Variants in ZNF267 observed in about 807,000 individuals in gnomAD.
The protein encoded by ZNF267 is zinc finger (C2H2).
A neutral mutation model predicts 71.6 loss-of-function variants in ZNF267; 61 were observed. The ratio of observed to expected loss-of-function variants is 0.85; its 90% CI spans 0.69 to 1.05. The LOEUF (loss-of-function observed/expected upper bound fraction) is 1.05. Among genes scored for constraint, ZNF267 ranks in the 50% least tolerant of loss-of-function variants. The pLI, the probability that ZNF267 is intolerant of heterozygous loss-of-function variation, is 0.00. For missense variants in ZNF267, 852 were observed against 870.0 expected (o/e 0.98, Z 0.26); for synonymous variants, 288 against 293.2 (o/e 0.98, Z 0.18).
intron 3 of ZNF267, among the ~76,000 whole-genome samples, chr16:31,895,562 G>C (rs2083992372): frequency 6.6e-6 from 1 of 152,066 alleles, no homozygotes; most frequent in Non-Finnish European, 1.5e-5. Context: ...TTCTATAGTG[G>C]CTATACTAAT....
chr16:31,883,142 A>G (rs1187800776), intron 1 of ZNF267, among the ~76,000 whole-genome samples: 1 of 152,214 alleles, frequency 6.6e-6, no homozygotes, highest in Non-Finnish European at 1.5e-5. Context: ...ACAAGAATTA[A>G]CATATAACAA....
intron 3 of ZNF267, among the ~76,000 whole-genome samples, chr16:31,901,021 A>G (rs1187110277): frequency 7.2e-5 from 11 of 151,788 alleles, no homozygotes; most frequent in Admixed American, 2.6e-4. Flanking sequence ...TCTTTGTTCA[A>G]TTCCCACCTA....
At position 31,915,145 on chromosome 16, in the gene ZNF267, A is replaced by G. The variant is rs2084164414; in HGVS notation, c.896A>G (p.Lys299Arg). Residue 299 changes from lysine to arginine, a missense_variant, in exon 4 of 4, where the codon AAA (lysine) becomes AGA (arginine). By Grantham distance (26) the Lys-to-Arg change is conservative. Coordinates refer to ENST00000300870, the MANE Select transcript of ZNF267 (RefSeq NM_003414.6). ...AGAGAAAACTCATATAGCTATAACAAATATGATAAAGATCTTAGTCAGTCA... is the reference window on the plus strand; with the variant it reads ...AGAGAAAACTCATATAGCTATAACAGATATGATAAAGATCTTAGTCAGTCA... ...HIRENSYSYN[K>R]YDKDLSQSSN... 1.2e-6 allele frequency: 2 copies of G among 1,613,124 alleles called. No individual in the cohort carries two copies. Among genetic ancestry groups the G allele is most frequent in the Middle Eastern group, 1.7e-4 (1 of 6,054 alleles).
intron 3 of ZNF267, among the ~76,000 whole-genome samples, chr16:31,900,223 G>A (rs942844398): frequency 1.2e-4 from 18 of 151,396 alleles, no homozygotes; most frequent in African/African-American, 4.1e-4. Flanking sequence ...CAAATGTATA[G>A]CAGAATTAAA....
At chr16:31,896,298 G>A (rs1232622224) in intron 3 of ZNF267, among the ~76,000 whole-genome samples, 4 of 152,232 alleles carry the variant, frequency 2.6e-5, no homozygotes, top group Non-Finnish European at 4.4e-5. Flanking sequence ...AGGCATGAGC[G>A]AGCCACTGCA....
intron 3 of ZNF267, among the ~76,000 whole-genome samples, chr16:31,893,550 A>G (rs2083975869): frequency 6.6e-6 from 1 of 152,180 alleles, no homozygotes; most frequent in Admixed American, 6.5e-5. Flanking sequence ...TGCTTCCCTT[A>G]TAAAACTGAA....
At chr16:31,901,333 G>A (rs1329907679) in intron 3 of ZNF267, among the ~76,000 whole-genome samples, 4 of 152,094 alleles carry the variant, frequency 2.6e-5, no homozygotes, top group African/African-American at 9.7e-5. Context: ...GGATGGCTGG[G>A]TCAAATGGTA....
chr16:31,875,253 G>GT, intron 1 of ZNF267: 1 of 1,289,190 alleles, frequency 7.8e-7, no homozygotes, highest in South Asian at 1.2e-5. Flanking sequence ...CTCCTGGAGT[G>GT]TTTAGTGACT....
At chr16:31,914,219 C>T (rs1316784428) in intron 3 of ZNF267, 2 of 395,952 alleles carry the variant, frequency 5.1e-6, no homozygotes, top group African/African-American at 2.1e-5. Context: ...ACAGATTTCT[C>T]CCCGCCATGC....
At chr16:31,875,127 A>G in intron 1 of ZNF267, 1 of 1,289,030 alleles carries the variant, frequency 7.8e-7, no homozygotes, top group South Asian at 1.2e-5. Flanking sequence ...TTTTGACTTG[A>G]GGTTTTGCTT....
rs2084096086 is a variant in ZNF267 at position 31,906,948 on chromosome 16, A to G, written c.227-7528A>G. 5.9e-5 allele frequency among the ~76,000 whole-genome samples: 9 copies of G among 151,940 alleles called. No individual in the cohort carries two copies. In the South Asian group the frequency reaches 1.9e-3, roughly 32 times the overall value. On this transcript the variant is annotated intron_variant, in intron 3 of 3. Transcript: ENST00000300870. ...CCCCAAAGTTCTTTTTTTCTAATTC[A>G]TTTTTAAAGTATAGTTTGGGCAGAT...
intron 3 of ZNF267, among the ~76,000 whole-genome samples, chr16:31,901,769 C>T (rs2084043646): frequency 6.6e-6 from 1 of 152,112 alleles, no homozygotes; most frequent in Non-Finnish European, 1.5e-5. Flanking sequence ...ATGGTGGTTT[C>T]CTTTGCTGTG....
At chr16:31,904,170 G>T (rs2084067008) in intron 3 of ZNF267, among the ~76,000 whole-genome samples, 1 of 152,306 alleles carries the variant, frequency 6.6e-6, no homozygotes, top group African/African-American at 2.4e-5. Context: ...TATCATTTCT[G>T]TTCTTTTACA....
chr16:31,875,721 G>C (rs1206134863), intron 1 of ZNF267, among the ~76,000 whole-genome samples: 1 of 152,194 alleles, frequency 6.6e-6, no homozygotes, highest in Non-Finnish European at 1.5e-5. Context: ...ACTTGAGCCA[G>C]ATATGTCTGT....
chr16:31,875,180 CT>C, intron 1 of ZNF267: 1 of 1,289,158 alleles, frequency 7.8e-7, no homozygotes, highest in Non-Finnish European at 1.0e-6. Flanking sequence ...TCTATCCAGT[CT>C]TTTCCTGTTC....
At chr16:31,881,266 A>G (rs577430968) in intron 1 of ZNF267, among the ~76,000 whole-genome samples, 16 of 152,264 alleles carry the variant, frequency 1.1e-4, no homozygotes, top group Middle Eastern at 3.4e-3. Flanking sequence ...GACAGCTGAA[A>G]ATAAAGCAGC....
At chr16:31,910,799 T>A (rs1392220641) in intron 3 of ZNF267, among the ~76,000 whole-genome samples, 3 of 151,550 alleles carry the variant, frequency 2.0e-5, no homozygotes, top group Admixed American at 2.0e-4. Context: ...AACATTAGGT[T>A]ATATGATTTT....
chr16:31,912,948 T>C (rs2084146302), intron 3 of ZNF267: 1 of 152,238 alleles, frequency 6.6e-6, no homozygotes, highest in Non-Finnish European at 1.5e-5. Flanking sequence ...AACACAACTA[T>C]GTTGAATCAT....
intron 3 of ZNF267, among the ~76,000 whole-genome samples, chr16:31,907,823 T>G (rs2084103669): frequency 6.6e-6 from 1 of 151,176 alleles, no homozygotes; most frequent in Non-Finnish European, 1.5e-5. Flanking sequence ...GATCACGAGG[T>G]CAGGAGATTG....
Sources: gnomAD v4.1 joint callset for allele counts (sites outside exome capture counted in the v4.1 genomes callset) on GRCh38, gnomAD v4.1.1 for gene constraint, MANE v1.5 for transcripts, NCBI Gene and HGNC (gene_info 2026-07-23, HGNC 2026-07-21) for gene names.